ROBO2: variants seen among roughly 807,000 people sequenced by gnomAD.
ROBO2 encodes the protein roundabout guidance receptor 2, also known as roundabout homolog 2.
ROBO2 carries 53 observed loss-of-function variants against 160.8 expected under a neutral mutation model. The observed-to-expected ratio is 0.33, with a 90% CI of 0.26 to 0.41. ROBO2 has a LOEUF of 0.41. ROBO2 is among the 10% of genes least tolerant of loss of function. The pLI, the probability that ROBO2 is intolerant of heterozygous loss-of-function variation, is 1.00. For synonymous variants in ROBO2, 664 were observed against 611.7 expected, an observed-to-expected ratio of 1.09 and a Z score of -1.26; for missense variants, 1,577 against 1,722.4, an observed-to-expected ratio of 0.92 and a Z score of 1.49.
chr3:76,343,006 T>A (rs1439434792), intron 2 of ROBO2, among the ~76,000 whole-genome samples: 1 of 152,050 alleles, frequency 6.6e-6, no homozygotes. Flanking sequence ...ATAGTTGTGA[T>A]TCAAATTTTA....
intron 2 of ROBO2, among the ~76,000 whole-genome samples, chr3:76,460,286 A>G (rs1039252269): frequency 6.6e-6 from 1 of 152,216 alleles, no homozygotes; most frequent in East Asian, 1.9e-4. Flanking sequence ...ATTAGAAAAC[A>G]TATCAAGGTA....
At chr3:76,481,930 A>C (rs2079231124) in intron 2 of ROBO2, among the ~76,000 whole-genome samples, 1 of 151,972 alleles carries the variant, frequency 6.6e-6, no homozygotes, top group Admixed American at 6.6e-5. Context: ...CACCAAATAT[A>C]TTTTCACTTG....
chr3:76,619,378 A>G (rs1208921781), intron 2 of ROBO2, among the ~76,000 whole-genome samples: 2 of 152,190 alleles, frequency 1.3e-5, no homozygotes, highest in East Asian at 1.9e-4. Context: ...TAGTCTTTCA[A>G]ATTATCTCTG....
At chr3:77,403,619 T>TGTGTGTA (rs1491148217) in intron 2 of ROBO2, among the ~76,000 whole-genome samples, 279 of 27,178 alleles carry the variant, frequency 0.01, no homozygotes, top group African/African-American at 0.04. Flanking sequence ...TGTGTGTGTA[T>TGTGTGTA]TTTTTTTTTT....
At chr3:77,048,881 T>A (rs1210045871) in intron 1 of ROBO2, among the ~76,000 whole-genome samples, 1 of 152,222 alleles carries the variant, frequency 6.6e-6, no homozygotes, top group Non-Finnish European at 1.5e-5. Flanking sequence ...TAGTGGATTG[T>A]TAATTGTTCT....
Position 76,550,605 on chromosome 3 carries a change from A to G in ROBO2, c.110-547409A>G, listed in dbSNP as rs1017445756. 5.9e-5 allele frequency among the ~76,000 whole-genome samples: 9 copies of G among 152,246 alleles called. No homozygotes were observed. In the East Asian group the frequency reaches 1.8e-3, roughly 30 times the overall value. The stretch of plus-strand genomic sequence containing the variant: ...CTCCCAGGCACAGCTGCAACTGTCC[A>G]GCCACAGCTCCAGACCCAGGCATCC... On this transcript the variant is annotated intron_variant, in intron 2 of 26. Transcript: ENST00000487694.
At chr3:76,330,041 C>G (rs1218397136) in intron 2 of ROBO2, among the ~76,000 whole-genome samples, 2 of 152,124 alleles carry the variant, frequency 1.3e-5, no homozygotes, top group African/African-American at 2.4e-5. Flanking sequence ...GAACATTTTA[C>G]TGTATCTATG....
intron 2 of ROBO2, among the ~76,000 whole-genome samples, chr3:76,530,075 T>G (rs1037013527): frequency 3.1e-4 from 47 of 152,226 alleles, no homozygotes; most frequent in Non-Finnish European, 6.3e-4. Context: ...TGGCCACAGA[T>G]GAACTGGAAA....
intron 2 of ROBO2, among the ~76,000 whole-genome samples, chr3:76,697,687 A>G (rs1342268988): frequency 2.3e-5 from 3 of 130,076 alleles, no homozygotes; most frequent in Non-Finnish European, 5.2e-5. Context: ...AAATGAAAAT[A>G]TTAGACAATT....
At chr3:77,007,606 T>C (rs920793980) in intron 2 of ROBO2, among the ~76,000 whole-genome samples, 22 of 152,284 alleles carry the variant, frequency 1.4e-4, no homozygotes, top group African/African-American at 5.3e-4. Flanking sequence ...GGGATTTTTG[T>C]ATCTTCAAAA....
At chr3:76,778,473 T>A (rs1576570820) in intron 2 of ROBO2, among the ~76,000 whole-genome samples, 1 of 151,070 alleles carries the variant, frequency 6.6e-6, no homozygotes, top group Non-Finnish European at 1.5e-5. Flanking sequence ...CTTGAGTAAT[T>A]TGAAGAGCAG....
At chr3:76,080,452 T>G (rs190560988) in intron 2 of ROBO2, among the ~76,000 whole-genome samples, 1 of 152,324 alleles carries the variant, frequency 6.6e-6, no homozygotes, top group Admixed American at 6.5e-5. Flanking sequence ...AAAACCGTAT[T>G]TTAGCCTGAT....
At chr3:76,245,012 C>T (rs182361113) in intron 2 of ROBO2, among the ~76,000 whole-genome samples, 123 of 151,742 alleles carry the variant, frequency 8.1e-4, no homozygotes, top group Non-Finnish European at 1.4e-3. Context: ...ACAAATTCAC[C>T]GATGAAATTA....
intron 2 of ROBO2, among the ~76,000 whole-genome samples, chr3:76,104,026 C>G (rs2069815842): frequency 6.6e-6 from 1 of 152,190 alleles, no homozygotes; most frequent in Non-Finnish European, 1.5e-5. Context: ...ATCTTCTCTA[C>G]TGGCCTTAGA....
chr3:76,301,057 G>A (rs78187129), intron 2 of ROBO2, among the ~76,000 whole-genome samples: 6,133 of 152,148 alleles, frequency 0.04, 356 homozygotes, highest in African/African-American at 0.12. Flanking sequence ...AAGAAGAAAG[G>A]AAGAAAGTCT....
At chr3:76,740,842 T>G (rs934085098) in intron 2 of ROBO2, among the ~76,000 whole-genome samples, 4 of 152,138 alleles carry the variant, frequency 2.6e-5, no homozygotes, top group African/African-American at 9.6e-5. Flanking sequence ...TTAATAATTT[T>G]GAATTTTTTA....
At chr3:76,958,054 G>A (rs1164075215) in intron 2 of ROBO2, among the ~76,000 whole-genome samples, 1 of 152,078 alleles carries the variant, frequency 6.6e-6, no homozygotes, top group African/African-American at 2.4e-5. Flanking sequence ...GTCTGATTAT[G>A]GGCGAAATAT....
At chr3:76,232,930 A>G (rs887234788) in intron 2 of ROBO2, among the ~76,000 whole-genome samples, 1 of 152,172 alleles carries the variant, frequency 6.6e-6, no homozygotes, top group Admixed American at 6.5e-5. Context: ...AAATTGGCTA[A>G]CCTACTTGTA....
At chr3:76,211,200 C>T (rs35777505) in intron 2 of ROBO2, among the ~76,000 whole-genome samples, 16,351 of 152,048 alleles carry the variant, frequency 0.11, 1,141 homozygotes, top group African/African-American at 0.2. Context: ...TGCAACTTCT[C>T]CCTTTCTGTA....
Sources: allele counts gnomAD v4.1 joint callset (sites outside exome capture counted in the v4.1 genomes callset), GRCh38; gene constraint gnomAD v4.1.1; transcripts MANE v1.5; gene names NCBI Gene and HGNC (gene_info 2026-07-23, HGNC 2026-07-21).